Variants in FILIP1 observed in about 807,000 individuals in gnomAD.
The protein encoded by FILIP1 is filamin A interacting protein 1, also known as filamin-A-interacting protein 1.
FILIP1 carries 61 observed loss-of-function variants against 102.1 expected under a neutral mutation model. The ratio of observed to expected loss-of-function variants is 0.60; its 90% CI spans 0.49 to 0.74. The LOEUF (loss-of-function observed/expected upper bound fraction) is 0.74, where lower values mean the gene tolerates loss of function less well. Ranked by LOEUF, FILIP1 falls within the 30% of genes least tolerant of loss-of-function variation. The pLI is 0.00. For synonymous variants in FILIP1, 491 were observed against 526.9 expected, an observed-to-expected ratio of 0.93 and a Z score of 0.93; for missense variants, 1,314 against 1,441.2, an observed-to-expected ratio of 0.91 and a Z score of 1.43.
chr6:75,363,723 CTAGTTATGATGG>C, intron 2 of FILIP1, among the ~76,000 whole-genome samples: 1 of 152,270 alleles, frequency 6.6e-6, no homozygotes, highest in Non-Finnish European at 1.5e-5. Context: ...GTTGATCTTT[CTAGTTATGATGG>C]AGCTGACATT....
In FILIP1 at chr6:75,314,702, A is replaced by G. The variant is rs758421123; in HGVS notation, c.1130T>C (p.Met377Thr). The part of the protein sequence containing the change: ...AKGECGNSSL[M>T]AEVENLRKRV... Reference sequence around the variant, plus strand: ...CTTTCGAAGATTTTCCACTTCTGCCATGAGGCTAGAGTTTCCACATTCTCC... The same window carrying G: ...CTTTCGAAGATTTTCCACTTCTGCCGTGAGGCTAGAGTTTCCACATTCTCC... The change falls in exon 5 of 6, where the codon ATG becomes ACG. Residue 377 changes from methionine to threonine, a missense_variant. This residue lies in a region of FILIP1 where 494 missense variants were observed against 511.2 expected (regional missense o/e 0.97). Transcript: ENST00000237172. The G allele has an allele frequency of 2.2e-5, 36 of 1,614,004 alleles. No homozygotes were observed. In the Admixed American group the frequency reaches 2.3e-4, roughly 10 times the overall value.
At chr6:75,300,943 T>G (rs918006360) in intron 6 of FILIP1, among the ~76,000 whole-genome samples, 1 of 152,208 alleles carries the variant, frequency 6.6e-6, no homozygotes. Flanking sequence ...ATCTCCAGCA[T>G]AGATTGCTGT....
intron 1 of FILIP1, among the ~76,000 whole-genome samples, chr6:75,454,664 C>G (rs1778761016): frequency 6.6e-6 from 1 of 152,166 alleles, no homozygotes; most frequent in Admixed American, 6.5e-5. Context: ...CATGTCTTTT[C>G]TTATGATGAG....
chr6:75,328,174 C>T (rs1246100776), intron 4 of FILIP1, among the ~76,000 whole-genome samples: 4 of 151,994 alleles, frequency 2.6e-5, no homozygotes, highest in African/African-American at 9.7e-5. Context: ...CTTATTCAAA[C>T]TGCTTTTTTA....
intron 2 of FILIP1, among the ~76,000 whole-genome samples, chr6:75,409,439 C>T (rs1257800113): frequency 6.6e-6 from 1 of 152,106 alleles, no homozygotes; most frequent in Non-Finnish European, 1.5e-5. Context: ...TGCTTCTAGC[C>T]TCACAAGCAG....
At chr6:75,466,583 C>G (rs1484950743) in intron 1 of FILIP1, among the ~76,000 whole-genome samples, 2 of 152,192 alleles carry the variant, frequency 1.3e-5, no homozygotes, top group East Asian at 3.8e-4. Context: ...ATTCTGTCTT[C>G]TGTTAGACCC....
chr6:75,396,819 T>A (rs1776476363), intron 2 of FILIP1, among the ~76,000 whole-genome samples: 1 of 152,062 alleles, frequency 6.6e-6, no homozygotes, highest in Admixed American at 6.6e-5. Flanking sequence ...TGTCTCCCAG[T>A]CAGGATTTGT....
chr6:75,427,385 T>C (rs1777662278), intron 1 of FILIP1, among the ~76,000 whole-genome samples: 1 of 152,208 alleles, frequency 6.6e-6, no homozygotes, highest in South Asian at 2.1e-4. Flanking sequence ...TAAAGTACTA[T>C]AGGACTTTCA....
exon 7 of FILIP1, chr6:75,293,554 A>G (rs1325594902): frequency 6.6e-6 from 1 of 152,204 alleles, no homozygotes; most frequent in East Asian, 1.9e-4. Context: ...CTCACCATCT[A>G]TCTAAATGAC....
chr6:75,337,800 C>T (rs1208125207), intron 4 of FILIP1, among the ~76,000 whole-genome samples: 1 of 152,174 alleles, frequency 6.6e-6, no homozygotes, highest in Non-Finnish European at 1.5e-5. Flanking sequence ...CCGTATGTTA[C>T]AGATTCCGGG....
At chr6:75,304,636 A>T (rs555488370), downstream of FILIP1, among the ~76,000 whole-genome samples, 5 of 152,374 alleles carry the variant, frequency 3.3e-5, no homozygotes, top group East Asian at 9.6e-4. Flanking sequence ...AAGAGAAGGG[A>T]TAAGTGAGAA....
At position 75,351,394 on chromosome 6, in the gene FILIP1, A is replaced by G. The variant is rs143095932; in HGVS notation, c.629+2145T>C. ...TACTTTTATATTCATTACCATTAAT[A>G]TTCATTATACACTTAATATTTTATT... On this transcript the variant is annotated intron_variant, in intron 4 of 5. Transcript: ENST00000237172. Among the ~76,000 whole-genome samples, 11 of 152,314 alleles carry G rather than the reference A, an allele frequency of 7.2e-5. No homozygotes were observed. In the East Asian group the frequency reaches 2.1e-3, roughly 29 times the overall value.
At chr6:75,338,007 C>T (rs1774298095) in intron 4 of FILIP1, among the ~76,000 whole-genome samples, 2 of 152,130 alleles carry the variant, frequency 1.3e-5, no homozygotes, top group African/African-American at 4.8e-5. Context: ...TCTAAGAGCA[C>T]GCTGGATGTG....
chr6:75,414,076 T>G (rs1777169097), intron 2 of FILIP1, among the ~76,000 whole-genome samples: 1 of 148,920 alleles, frequency 6.7e-6, no homozygotes. Context: ...ACATTTTTAT[T>G]GTGATCATAC....
rs79049128 is a variant in FILIP1, at chr6:75,408,070, G to A, written c.276+6627C>T. On this transcript the variant is annotated intron_variant, in intron 2 of 5. Coordinates refer to ENST00000237172, the MANE Select transcript of FILIP1 (RefSeq NM_015687.5). Reference sequence around the variant, plus strand: ...AATCATGGTGCCCAAATGATGGGCCGGGGTACTATTTTATTACTTTCAGTT... The same window carrying A: ...AATCATGGTGCCCAAATGATGGGCCAGGGTACTATTTTATTACTTTCAGTT... Among the ~76,000 whole-genome samples, 85 of 152,248 alleles carry A rather than the reference G, an allele frequency of 5.6e-4. No individual in the cohort carries two copies. The East Asian group carries it at 7.0e-3, about 12-fold the overall frequency.
At chr6:75,451,233 T>C (rs1357655462) in intron 1 of FILIP1, among the ~76,000 whole-genome samples, 1 of 148,288 alleles carries the variant, frequency 6.7e-6, no homozygotes. Flanking sequence ...TCAAATATTA[T>C]ATATAAATAT....
At chr6:75,296,369 GT>G (rs1248184458) in intron 6 of FILIP1, among the ~76,000 whole-genome samples, 3 of 151,068 alleles carry the variant, frequency 2.0e-5, no homozygotes, top group Admixed American at 6.6e-5. Context: ...GTGTGTGTGT[GT>G]GTGTGTGTGT....
intron 1 of FILIP1, among the ~76,000 whole-genome samples, chr6:75,418,823 G>A (rs1448922899): frequency 6.6e-6 from 1 of 152,084 alleles, no homozygotes; most frequent in African/African-American, 2.4e-5. Context: ...TCTTTGATAA[G>A]CAAATTATCT....
intron 2 of FILIP1, among the ~76,000 whole-genome samples, chr6:75,378,074 A>C (rs1304813228): frequency 6.6e-6 from 1 of 152,194 alleles, no homozygotes; most frequent in African/African-American, 2.4e-5. Context: ...ATTTTCATCA[A>C]CCAATCAATA....
Sources: allele counts gnomAD v4.1 joint callset (sites outside exome capture counted in the v4.1 genomes callset), GRCh38; gene constraint gnomAD v4.1.1; regional missense constraint gnomAD v4.1.1; transcripts MANE v1.5; gene names NCBI Gene and HGNC (gene_info 2026-07-23, HGNC 2026-07-21).